SDCCAG8: variants seen among roughly 807,000 people sequenced by gnomAD.
SDCCAG8 encodes SHH signaling and ciliogenesis regulator SDCCAG8, also known as serologically defined colon cancer antigen 8.
SDCCAG8 carries 74 observed loss-of-function variants against 101.8 expected under a neutral mutation model. That is an observed-to-expected ratio of 0.73 (90% confidence interval 0.60 to 0.88). The LOEUF (loss-of-function observed/expected upper bound fraction) is 0.88, where lower values mean the gene tolerates loss of function less well. SDCCAG8 is among the 40% of genes least tolerant of loss of function. SDCCAG8 has a pLI of 0.00. For missense variants in SDCCAG8, 787 were observed against 822.6 expected (o/e 0.96, Z 0.53); for synonymous variants, 281 against 292.9 (o/e 0.96, Z 0.41).
intron 6 of SDCCAG8, among the ~76,000 whole-genome samples, chr1:243,294,802 A>G (rs2070705945): frequency 6.7e-6 from 1 of 149,540 alleles, no homozygotes; most frequent in Non-Finnish European, 1.5e-5. Flanking sequence ...TATGTATGTA[A>G]CAGACGTTTA....
chr1:243,457,236 T>C (rs2083833578), intron 16 of SDCCAG8, among the ~76,000 whole-genome samples: 1 of 152,244 alleles, frequency 6.6e-6, no homozygotes, highest in East Asian at 1.9e-4. Context: ...GTGTCTATTC[T>C]GTTGATCCTG....
At chr1:243,445,197 A>G (rs558377368) in intron 16 of SDCCAG8, among the ~76,000 whole-genome samples, 3 of 152,316 alleles carry the variant, frequency 2.0e-5, no homozygotes, top group Admixed American at 6.5e-5. Context: ...AGTTATGTAG[A>G]ATGGCATTTT....
chr1:243,487,783 C>CG (rs1558539145), intron 16 of SDCCAG8: 2 of 152,354 alleles, frequency 1.3e-5, no homozygotes, highest in African/African-American at 4.8e-5. Context: ...TCTGCCTGGG[C>CG]GGGGTCCTAG....
intron 12 of SDCCAG8, among the ~76,000 whole-genome samples, chr1:243,352,320 G>A (rs2076124941): frequency 6.6e-6 from 1 of 152,114 alleles, no homozygotes; most frequent in South Asian, 2.1e-4. Context: ...ACTGTAAACT[G>A]GACTCTAAGA....
Position 243,499,911 on chromosome 1 carries a change from C to T in SDCCAG8, c.*126C>T. On this transcript the variant is annotated 3_prime_UTR_variant, in exon 18 of 18. Coordinates refer to ENST00000366541, the MANE Select transcript of SDCCAG8 (RefSeq NM_006642.5). ...GACACCGCCTCAGCCTGCAGTGGGG[C>T]TGGTCCTCATCAACGCGGGCGCTGT... The T allele has an allele frequency of 5.6e-6, 5 of 893,122 alleles. No individual in the cohort carries two copies. Among genetic ancestry groups the T allele is most frequent in the South Asian group, 5.5e-5 (4 of 72,910 alleles). 55.3% of individuals were successfully genotyped at this position (893,122 alleles called of 1,614,324 possible). A position where few individuals can be genotyped will look rare whatever the true frequency, so the allele number is the denominator to read the frequency against.
intron 12 of SDCCAG8, among the ~76,000 whole-genome samples, chr1:243,349,141 G>A (rs1475137529): frequency 2.6e-5 from 4 of 152,142 alleles, no homozygotes; most frequent in African/African-American, 7.2e-5. Context: ...ACGTGCCCAA[G>A]AAACTGCCAT....
chr1:243,399,552 G>T (rs2079239946), intron 13 of SDCCAG8, among the ~76,000 whole-genome samples: 1 of 151,838 alleles, frequency 6.6e-6, no homozygotes. Flanking sequence ...TGTCGCCCAG[G>T]CTAGAGTGCA....
chr1:243,279,534 A>G (rs1411511491), intron 4 of SDCCAG8, among the ~76,000 whole-genome samples: 1 of 152,250 alleles, frequency 6.6e-6, no homozygotes, highest in Non-Finnish European at 1.5e-5. Flanking sequence ...CTGAATGCAT[A>G]TTGCTTTTGC....
Position 243,489,059 on chromosome 1 carries a change from G to T in SDCCAG8, c.2031G>T (p.Leu677=). ...ACAGCCAGGCCACAGCCCAGCAGCT[G>T]GTGCAGCTCCTCAGCAAGCAGAACC... ...DKHSQATAQQ[L]VQLLSKQNQL... The change falls in exon 17 of 18, where the codon CTG becomes CTT. Residue 677 remains leucine, a synonymous_variant. Transcript: ENST00000366541. 6.2e-7 allele frequency: 1 copy of T among 1,613,416 alleles called. No individual in the cohort carries two copies. Among genetic ancestry groups the T allele is most frequent in the Non-Finnish European group, 8.5e-7 (1 of 1,180,026 alleles).
chr1:243,471,339 C>T (rs6676562), intron 16 of SDCCAG8, among the ~76,000 whole-genome samples: 1,773 of 152,326 alleles, frequency 0.012, 39 homozygotes, highest in African/African-American at 0.041. Flanking sequence ...GTACTGCTTC[C>T]CTTTTTTCCC....
chr1:243,373,342 A>G (rs1285554419), intron 12 of SDCCAG8, among the ~76,000 whole-genome samples: 1 of 152,114 alleles, frequency 6.6e-6, no homozygotes, highest in Non-Finnish European at 1.5e-5. Context: ...ATCAAATAGA[A>G]TTCTAAGGTG....
chr1:243,427,606 C>G (rs1021355755), intron 16 of SDCCAG8, among the ~76,000 whole-genome samples: 2 of 151,944 alleles, frequency 1.3e-5, no homozygotes, highest in Non-Finnish European at 2.9e-5. Context: ...AAAAACAGTT[C>G]TTGATATAAT....
At chr1:243,293,397 A>C in intron 6 of SDCCAG8, 178 bp downstream of exon 6, 1 of 774,708 alleles carries the variant, frequency 1.3e-6, no homozygotes, top group African/African-American at 1.7e-5. Context: ...ATCCATTTTC[A>C]GAACTTTTTG....
intron 16 of SDCCAG8, among the ~76,000 whole-genome samples, chr1:243,453,107 C>T (rs1294282928): frequency 6.6e-6 from 1 of 152,206 alleles, no homozygotes; most frequent in East Asian, 1.9e-4. Context: ...TATGACTCTC[C>T]TTTTCCGGAG....
At chr1:243,457,318 A>G (rs746291583) in intron 16 of SDCCAG8, among the ~76,000 whole-genome samples, 1 of 152,214 alleles carries the variant, frequency 6.6e-6, no homozygotes, top group Non-Finnish European at 1.5e-5. Flanking sequence ...AAAATAATTC[A>G]TGTAAATGTC....
intron 13 of SDCCAG8, among the ~76,000 whole-genome samples, chr1:243,401,005 AG>A (rs1393106787): frequency 6.6e-6 from 1 of 152,216 alleles, no homozygotes; most frequent in Non-Finnish European, 1.5e-5. Flanking sequence ...GAAGTCGGGA[AG>A]TTTAGCACTC....
intron 9 of SDCCAG8, among the ~76,000 whole-genome samples, chr1:243,319,478 A>AT (rs1226400654): frequency 2.0e-5 from 3 of 152,198 alleles, no homozygotes; most frequent in African/African-American, 7.2e-5. Context: ...GAATCAAGTG[A>AT]TTCTCCCACC....
chr1:243,303,598 A>T (rs1310716899), intron 6 of SDCCAG8, among the ~76,000 whole-genome samples: 1 of 152,108 alleles, frequency 6.6e-6, no homozygotes, highest in Admixed American at 6.6e-5. Context: ...ATGAGTAGAA[A>T]ATACTATTTT....
intron 13 of SDCCAG8, among the ~76,000 whole-genome samples, chr1:243,411,575 T>C (rs1453888021): frequency 1.3e-5 from 2 of 152,224 alleles, no homozygotes; most frequent in Non-Finnish European, 2.9e-5. Flanking sequence ...CATGTCCTTG[T>C]GCCCTTTTGC....
Sources: allele counts gnomAD v4.1 joint callset (sites outside exome capture counted in the v4.1 genomes callset), GRCh38; gene constraint gnomAD v4.1.1; transcripts MANE v1.5; gene names NCBI Gene and HGNC (gene_info 2026-07-23, HGNC 2026-07-21).